Variants in RARB observed in about 807,000 individuals in gnomAD.
RARB encodes retinoic acid receptor beta.
RARB carries 17 observed loss-of-function variants against 51.9 expected under a neutral mutation model. That is an observed-to-expected ratio of 0.33 (90% CI 0.22 to 0.49). The LOEUF (loss-of-function observed/expected upper bound fraction) is 0.49. Ranked by LOEUF, RARB falls within the 20% of genes least tolerant of loss-of-function variation. The pLI is 0.99. For synonymous variants in RARB, 215 were observed against 195.4 expected (o/e 1.10, Z -0.84); for missense variants, 369 against 550.8 (o/e 0.67, Z 3.30).
chr3:25,597,398 A>G lies in RARB; in HGVS notation c.*782A>G, dbSNP rs554492457. On this transcript the variant is annotated 3_prime_UTR_variant, in exon 8 of 8. Transcript: ENST00000330688. ...AGTGGTTTATTACTTGTTTAATGAC[A>G]TAACTACACAGTTAGTTAAAAAAAA... The G allele has an allele frequency of 2.8e-4, 36 of 128,236 alleles. 1 individual carries two copies. Among genetic ancestry groups the G allele is most frequent in the Admixed American group, 2.5e-3 (33 of 13,194 alleles). The allele number at this position is 128,236 out of a possible 1,614,324, so 7.9% of individuals were successfully genotyped here. A position where few individuals can be genotyped will look rare whatever the true frequency, so the allele number is the denominator to read the frequency against.
chr3:25,264,279 C>A (rs562287385), intron 5 of RARB, among the ~76,000 whole-genome samples: 5 of 152,162 alleles, frequency 3.3e-5, no homozygotes, highest in South Asian at 2.1e-4. Context: ...TGGATACCGT[C>A]ATCCCAGTAT....
At chr3:25,390,914 CA>C (rs1706934823) in intron 5 of RARB, among the ~76,000 whole-genome samples, 1 of 151,280 alleles carries the variant, frequency 6.6e-6, no homozygotes, top group East Asian at 1.9e-4. Context: ...GTTTTAATTT[CA>C]ATAGGTTTTG....
intron 5 of RARB, among the ~76,000 whole-genome samples, chr3:25,282,966 A>G (rs1703561014): frequency 6.6e-6 from 1 of 152,146 alleles, no homozygotes; most frequent in South Asian, 2.1e-4. Context: ...GTGGAAACCA[A>G]CCCAACTCTT....
chr3:25,202,237 A>G (rs1000689729), intron 5 of RARB, among the ~76,000 whole-genome samples: 16 of 152,106 alleles, frequency 1.1e-4, no homozygotes, highest in African/African-American at 3.9e-4. Context: ...TGTTTATAGT[A>G]TTCTCTGATG....
intron 3 of RARB, among the ~76,000 whole-genome samples, chr3:25,089,140 A>AT (rs577504071): frequency 1.7e-4 from 26 of 149,958 alleles, no homozygotes; most frequent in Admixed American, 2.7e-4. Flanking sequence ...GAGTGAGCCG[A>AT]TTTTTTTTTT....
intron 5 of RARB, among the ~76,000 whole-genome samples, chr3:25,291,226 C>A (rs1703777930): frequency 6.6e-6 from 1 of 152,146 alleles, no homozygotes; most frequent in Non-Finnish European, 1.5e-5. Context: ...TATCTTCCCT[C>A]AGGTCATGAA....
intron 5 of RARB, among the ~76,000 whole-genome samples, chr3:25,293,237 G>A (rs531927330): frequency 6.6e-6 from 1 of 152,216 alleles, no homozygotes; most frequent in African/African-American, 2.4e-5. Context: ...AATTTTCAGT[G>A]TTCAAATGCC....
intron 3 of RARB, among the ~76,000 whole-genome samples, chr3:25,543,757 G>A (rs546751836): frequency 1.3e-5 from 2 of 152,286 alleles, no homozygotes; most frequent in Non-Finnish European, 2.9e-5. Context: ...AGAGCAGTCA[G>A]CTCCCCACAG....
intron 5 of RARB, among the ~76,000 whole-genome samples, chr3:25,347,334 C>T (rs138655517): frequency 3.7e-4 from 56 of 152,310 alleles, no homozygotes; most frequent in Non-Finnish European, 5.9e-4. Context: ...TCATGGCGGA[C>T]TTGACCAGCT....
rs552031342 is a variant in RARB at position 25,527,985 on chromosome 3, G to T, written c.448+26662G>T. 9.8e-5 allele frequency among the ~76,000 whole-genome samples: 15 copies of T among 152,310 alleles called. No individual in the cohort carries two copies. In the South Asian group the frequency reaches 3.1e-3, roughly 32 times the overall value. Reference sequence around the variant, plus strand: ...GGCCCTGCACAAAGCCAGGCGGGAGGCCTGTGGATGAGGTGCTCTGCAAGC... The same window carrying T: ...GGCCCTGCACAAAGCCAGGCGGGAGTCCTGTGGATGAGGTGCTCTGCAAGC... On this transcript the variant is annotated intron_variant, in intron 3 of 7. Coordinates refer to ENST00000330688, the MANE Select transcript of RARB (RefSeq NM_000965.5).
intron 2 of RARB, among the ~76,000 whole-genome samples, chr3:25,003,226 G>C (rs1455781848): frequency 6.7e-6 from 1 of 149,566 alleles, no homozygotes; most frequent in Non-Finnish European, 1.5e-5. Flanking sequence ...TTGAAATCAA[G>C]TTCATTAGGA....
At chr3:25,079,916 T>A (rs1359568799) in intron 3 of RARB, among the ~76,000 whole-genome samples, 1 of 152,224 alleles carries the variant, frequency 6.6e-6, no homozygotes, top group African/African-American at 2.4e-5. Context: ...TTCTATTTTC[T>A]GAAAGAGTGT....
chr3:24,923,323 C>T (rs1695256587), intron 2 of RARB, among the ~76,000 whole-genome samples: 1 of 152,096 alleles, frequency 6.6e-6, no homozygotes, highest in Non-Finnish European at 1.5e-5. Context: ...ATTGCTGAGA[C>T]TTTAAGATAC....
chr3:25,128,012 C>A (rs1322031381), intron 3 of RARB, among the ~76,000 whole-genome samples: 1 of 152,042 alleles, frequency 6.6e-6, no homozygotes, highest in East Asian at 1.9e-4. Context: ...TCTAAGCTGG[C>A]TGTAGGGGAC....
chr3:25,372,379 T>TGG (rs1706327670), intron 5 of RARB, among the ~76,000 whole-genome samples: 3 of 152,092 alleles, frequency 2.0e-5, no homozygotes, highest in Non-Finnish European at 4.4e-5. Flanking sequence ...ACAAAATCAC[T>TGG]CCCACATGAA....
chr3:24,906,301 A>G (rs1172932110), intron 2 of RARB, among the ~76,000 whole-genome samples: 1 of 152,182 alleles, frequency 6.6e-6, no homozygotes, highest in Non-Finnish European at 1.5e-5. Flanking sequence ...TTAGAGAAGA[A>G]TGGATGGATC....
intron 5 of RARB, among the ~76,000 whole-genome samples, chr3:25,334,727 G>T (rs745710403): frequency 2.0e-5 from 3 of 150,786 alleles, no homozygotes; most frequent in Non-Finnish European, 4.4e-5. Context: ...TAAATAAGTG[G>T]TTTCCTCTAA....
At chr3:25,134,121 C>T (rs1053141877) in intron 4 of RARB, among the ~76,000 whole-genome samples, 1 of 151,886 alleles carries the variant, frequency 6.6e-6, no homozygotes, top group Non-Finnish European at 1.5e-5. Flanking sequence ...TTAACCGAAT[C>T]TCTTTGGTTA....
chr3:24,869,285 TATA>T (rs934953203), intron 2 of RARB, among the ~76,000 whole-genome samples: 17 of 152,310 alleles, frequency 1.1e-4, no homozygotes, highest in Non-Finnish European at 2.5e-4. Context: ...AGTATTTGTG[TATA>T]ATATTTTGAT....
Sources: gnomAD v4.1 joint callset for allele counts (sites outside exome capture counted in the v4.1 genomes callset) on GRCh38, gnomAD v4.1.1 for gene constraint, MANE v1.5 for transcripts, NCBI Gene and HGNC (gene_info 2026-07-23, HGNC 2026-07-21) for gene names.